The following SLCO3A1 variants were observed in gnomAD, a reference collection of about 807,000 sequenced individuals.
SLCO3A1 encodes the protein PGE1 transporter.
SLCO3A1 carries 27 observed loss-of-function variants against 63.1 expected under a neutral mutation model. The ratio of observed to expected loss-of-function variants is 0.43; its 90% CI spans 0.32 to 0.59. The LOEUF (loss-of-function observed/expected upper bound fraction) is 0.59, where lower values mean the gene tolerates loss of function less well. SLCO3A1 is among the 20% of genes least tolerant of loss of function. SLCO3A1 has a pLI of 0.09. For missense variants in SLCO3A1, 773 were observed against 945.8 expected (o/e 0.82, Z 2.40); for synonymous variants, 473 against 409.9 (o/e 1.15, Z -1.86).
chr15:91,948,246 G>A lies in SLCO3A1; in HGVS notation c.646+31788G>A, dbSNP rs541998593. On this transcript the variant is annotated intron_variant, in intron 2 of 9. Coordinates refer to ENST00000318445, the MANE Select transcript of SLCO3A1 (RefSeq NM_013272.4). This position sits in a 1 kb window ranked among gnomAD's most constrained non-coding sequence, Gnocchi z 4.8. Reference sequence around the variant, plus strand: ...CTTTTTCCACTCCTGCTTGGCGCATGAGAATACAACCAGCTGGTCCCTCCA... The same window carrying A: ...CTTTTTCCACTCCTGCTTGGCGCATAAGAATACAACCAGCTGGTCCCTCCA... Among the ~76,000 whole-genome samples the A allele has an allele frequency of 5.0e-4, 76 of 152,178 alleles. 1 individual carries two copies. Among genetic ancestry groups the A allele is most frequent in the Non-Finnish European group, 9.0e-4 (61 of 68,038 alleles).
intron 7 of SLCO3A1, among the ~76,000 whole-genome samples, chr15:92,142,687 A>G (rs1031637604): frequency 3.3e-5 from 5 of 152,140 alleles, no homozygotes; most frequent in Admixed American, 6.5e-5. Flanking sequence ...CCTCATTAAC[A>G]TGAACATAGA....
chr15:91,957,876 A>G (rs536886960), intron 2 of SLCO3A1, among the ~76,000 whole-genome samples: 32 of 152,328 alleles, frequency 2.1e-4, no homozygotes, highest in Admixed American at 3.9e-4. Context: ...GTTCAGTGCT[A>G]TATTCCCAGT....
intron 1 of SLCO3A1, among the ~76,000 whole-genome samples, chr15:91,873,563 C>CACAT (rs1260068644): frequency 6.2e-5 from 9 of 146,324 alleles, no homozygotes; most frequent in Non-Finnish European, 1.2e-4. Context: ...CACACACACA[C>CACAT]ACATACATAC....
At chr15:92,069,944 A>G (rs1567102133) in intron 2 of SLCO3A1, among the ~76,000 whole-genome samples, 1 of 152,244 alleles carries the variant, frequency 6.6e-6, no homozygotes, top group Non-Finnish European at 1.5e-5. Flanking sequence ...CTTTTATAAT[A>G]AGAAAGTGAA....
rs1357126410 is a variant in SLCO3A1 at position 92,163,686 on chromosome 15, C to G, written c.*551C>G. The G allele has an allele frequency of 2.0e-6, 2 of 985,410 alleles. No individual in the cohort carries two copies. The highest frequency in any genetic ancestry group is 1.1e-4 in the East Asian group (1 of 8,808). 61.0% of individuals were successfully genotyped at this position (985,410 alleles called of 1,614,324 possible). ...TCGGAGGGGTGGAAGCACCACTCCT[C>G]TCTCTGACTTTCGCAATATGGGTCA... On this transcript the variant is annotated 3_prime_UTR_variant, in exon 10 of 10. Transcript: ENST00000318445.
Position 91,875,427 on chromosome 15 carries a change from G to C in SLCO3A1, c.180+21339G>C, listed in dbSNP as rs1019854747. Among the ~76,000 whole-genome samples the C allele has an allele frequency of 2.6e-5, 4 of 152,172 alleles. No homozygotes were observed. The highest frequency in any genetic ancestry group is 4.4e-5 in the Non-Finnish European group (3 of 68,046). ...CTCCACAGGGTAAAAACTGGACTCT[G>C]GAGCAAGAGACTGCCTGGATTCCAA... is the stretch of plus-strand genomic sequence containing the variant. On this transcript the variant is annotated intron_variant, in intron 1 of 9. Transcript: ENST00000318445. The surrounding 1 kb of genome is among the most constrained non-coding windows in gnomAD (Gnocchi z 4.5).
At chr15:92,057,683 A>T (rs2047038164) in intron 2 of SLCO3A1, among the ~76,000 whole-genome samples, 1 of 152,156 alleles carries the variant, frequency 6.6e-6, no homozygotes, top group Admixed American at 6.5e-5. Context: ...CTGCTTCTTG[A>T]TGCGAGTTCT....
intron 2 of SLCO3A1, among the ~76,000 whole-genome samples, chr15:92,031,564 G>A (rs1204611100): frequency 6.6e-6 from 1 of 152,128 alleles, no homozygotes; most frequent in African/African-American, 2.4e-5. Context: ...GAATTTCACT[G>A]TACACTCTGT....
chr15:91,857,185 A>T (rs1896946569), intron 1 of SLCO3A1, among the ~76,000 whole-genome samples: 1 of 151,972 alleles, frequency 6.6e-6, no homozygotes. Flanking sequence ...ACTGTATTGT[A>T]TATAAGGCCA....
At chr15:92,028,132 AGTCTCTT>A (rs1281826690) in intron 2 of SLCO3A1, among the ~76,000 whole-genome samples, 1 of 152,218 alleles carries the variant, frequency 6.6e-6, no homozygotes, top group African/African-American at 2.4e-5. Context: ...CAAAGACCAG[AGTCTCTT>A]GTGGAGGAAG....
At chr15:92,059,043 C>T (rs1234311432) in intron 2 of SLCO3A1, among the ~76,000 whole-genome samples, 2 of 152,188 alleles carry the variant, frequency 1.3e-5, no homozygotes, top group African/African-American at 4.8e-5. Flanking sequence ...AGGGTTGGAG[C>T]AGTATCTGTT....
chr15:91,946,661 A>G lies in SLCO3A1; in HGVS notation c.646+30203A>G, dbSNP rs986292516. On this transcript the variant is annotated intron_variant, in intron 2 of 9. Coordinates refer to ENST00000318445, the MANE Select transcript of SLCO3A1 (RefSeq NM_013272.4). Reference sequence around the variant, plus strand: ...GGTTGAGTGTGCAATGCACTTAAGGAGAAGGACTTGGGAGGATTATACTGT... The same window carrying G: ...GGTTGAGTGTGCAATGCACTTAAGGGGAAGGACTTGGGAGGATTATACTGT... 2.6e-5 allele frequency among the ~76,000 whole-genome samples: 4 copies of G among 152,236 alleles called. No individual in the cohort carries two copies. The East Asian group carries it at 7.7e-4, about 29-fold the overall frequency.
intron 2 of SLCO3A1, among the ~76,000 whole-genome samples, chr15:91,940,248 C>T (rs1390654431): frequency 6.6e-6 from 1 of 152,112 alleles, no homozygotes; most frequent in Non-Finnish European, 1.5e-5. Context: ...GTTTCTGGTG[C>T]CTTCCTCGGG....
chr15:92,088,764 A>G (rs1305844577), intron 2 of SLCO3A1, among the ~76,000 whole-genome samples: 1 of 152,168 alleles, frequency 6.6e-6, no homozygotes, highest in Non-Finnish European at 1.5e-5. Flanking sequence ...TGGCTCTGCC[A>G]TCACATCCCC....
chr15:91,904,136 G>T (rs116956604), intron 1 of SLCO3A1, among the ~76,000 whole-genome samples: 1 of 147,982 alleles, frequency 6.8e-6, no homozygotes, highest in Non-Finnish European at 1.5e-5. Flanking sequence ...TCTGAAGAGG[G>T]TCCCACGTTT....
At chr15:92,076,529 G>A (rs990052385) in intron 2 of SLCO3A1, among the ~76,000 whole-genome samples, 5 of 152,152 alleles carry the variant, frequency 3.3e-5, no homozygotes, top group African/African-American at 4.8e-5. Context: ...TCCTGCATGG[G>A]GCCTGGGCAT....
At position 91,854,732 on chromosome 15, in the gene SLCO3A1, C is replaced by A. The variant is rs1321020820; in HGVS notation, c.180+644C>A. ...AGTTACGGTACCTAGAGAGCAGCTG[C>A]GAGTTTGTGTAGTTCCTGCTATCCA... On this transcript the variant is annotated intron_variant, in intron 1 of 9. Transcript: ENST00000318445. This position sits in a 1 kb window ranked among gnomAD's most constrained non-coding sequence, Gnocchi z 6.4. Among the ~76,000 whole-genome samples the A allele has an allele frequency of 6.6e-6, 1 of 152,140 alleles. No individual in the cohort carries two copies. Among genetic ancestry groups the A allele is most frequent in the Non-Finnish European group, 1.5e-5 (1 of 68,030 alleles).
intron 1 of SLCO3A1, among the ~76,000 whole-genome samples, chr15:91,870,051 A>G (rs1388454833): frequency 2.0e-5 from 3 of 152,274 alleles, no homozygotes; most frequent in East Asian, 1.9e-4. Context: ...TAAGTTGCCA[A>G]TCCTTCCCTT....
intron 2 of SLCO3A1, among the ~76,000 whole-genome samples, chr15:91,920,013 ATTTG>A (rs1348695743): frequency 1.3e-5 from 2 of 152,214 alleles, no homozygotes; most frequent in African/African-American, 4.8e-5. Context: ...TTTCATGAGC[ATTTG>A]TTTGTTACTA....
Sources: gnomAD v4.1 joint callset for allele counts (sites outside exome capture counted in the v4.1 genomes callset) on GRCh38, gnomAD v4.1.1 for gene constraint, Gnocchi (gnomAD v3.1) non-coding constraint, MANE v1.5 for transcripts, NCBI Gene and HGNC (gene_info 2026-07-23, HGNC 2026-07-21) for gene names.